The following SOCS7 variants were observed in gnomAD, a reference collection of about 807,000 sequenced individuals.
SOCS7 encodes NAP-4.
SOCS7 carries 18 observed loss-of-function variants against 58.9 expected under a neutral mutation model. The ratio of observed to expected loss-of-function variants is 0.31; its 90% CI spans 0.21 to 0.45. The LOEUF is 0.45. SOCS7 is among the 20% of genes least tolerant of loss of function. The probability of loss-of-function intolerance (pLI) is 1.00; values close to 1 mark genes in which losing one functional copy is unlikely to be tolerated. For synonymous variants in SOCS7, 388 were observed against 364.3 expected (o/e 1.06, Z -0.74); for missense variants, 667 against 837.3 (o/e 0.80, Z 2.51).
In SOCS7 at chr17:38,352,404, G is replaced by T; in HGVS notation, c.352G>T (p.Ala118Ser). Reference sequence around the variant, plus strand: ...GCTCGAGCGGACCTGGGGCCCGGCGGCTGGACTAGAGGCGCAGTTGGCGGC... The same window carrying T: ...GCTCGAGCGGACCTGGGGCCCGGCGTCTGGACTAGAGGCGCAGTTGGCGGC... The part of the protein sequence containing the change: ...LALERTWGPA[A>S]GLEAQLAALG... The change falls in exon 1 of 10, where the codon GCT becomes TCT. Residue 118 changes from alanine to serine, a missense_variant. By Grantham distance (99) the Ala-to-Ser change is moderately conservative. Around this residue, in one of 9 missense-constraint regions of SOCS7, gnomAD observed 154 missense variants for 156.3 expected, o/e 0.98. Coordinates refer to ENST00000612932, the MANE Select transcript of SOCS7 (RefSeq NM_014598.4). The surrounding 1 kb of genome is among the most constrained non-coding windows in gnomAD (Gnocchi z 5.5). 2 of 1,439,462 alleles carry T rather than the reference G, an allele frequency of 1.4e-6. No individual in the cohort carries two copies. Among genetic ancestry groups the T allele is most frequent in the South Asian group, 3.0e-5 (2 of 67,386 alleles). 89.2% of individuals were successfully genotyped at this position (1,439,462 alleles called of 1,614,324 possible). A position where few individuals can be genotyped will look rare whatever the true frequency, so the allele number is the denominator to read the frequency against.
intron 7 of SOCS7, among the ~76,000 whole-genome samples, chr17:38,389,905 A>ATATATATATATG (rs2038145326): frequency 4.7e-5 from 5 of 107,082 alleles, no homozygotes; most frequent in South Asian, 2.8e-4. Context: ...ATATACACAT[A>ATATATATATATG]TAGAGAGAGA....
chr17:38,382,725 G>A (rs2038019564), intron 7 of SOCS7, among the ~76,000 whole-genome samples: 2 of 152,074 alleles, frequency 1.3e-5, no homozygotes, highest in Admixed American at 1.3e-4. Context: ...TTGACCTCAT[G>A]GTCCACCTGC....
intron 6 of SOCS7, 64 bp downstream of exon 6, chr17:38,368,114 T>G: frequency 7.0e-7 from 1 of 1,430,494 alleles, no homozygotes; most frequent in South Asian, 1.4e-5. Context: ...GCTGTCTGAC[T>G]TTTTTGTGGA....
chr17:38,365,534 C>A, intron 4 of SOCS7, 125 bp downstream of exon 4: 1 of 603,618 alleles, frequency 1.7e-6, no homozygotes, highest in South Asian at 3.3e-5. Context: ...AAATCTTTTC[C>A]CCTTGGCTGG....
intron 7 of SOCS7, among the ~76,000 whole-genome samples, chr17:38,384,780 G>T (rs552528848): frequency 6.6e-6 from 1 of 151,412 alleles, no homozygotes; most frequent in Non-Finnish European, 1.5e-5. Context: ...TTTAGTAGAG[G>T]CAGGGTTTTA....
At chr17:38,371,754 G>GTTTTTTT (rs770296566) in intron 6 of SOCS7, among the ~76,000 whole-genome samples, 47 of 72,194 alleles carry the variant, frequency 6.5e-4, no homozygotes, top group African/African-American at 2.4e-3. Flanking sequence ...GCCCTTTTGT[G>GTTTTTTT]TTTTTTTTTT....
chr17:38,387,568 A>ATATATACACAATATATTGTATATAT (rs1403747086), intron 7 of SOCS7, among the ~76,000 whole-genome samples: 4 of 138,936 alleles, frequency 2.9e-5, no homozygotes, highest in Non-Finnish European at 4.5e-5. Flanking sequence ...AATACATAAT[A>ATATATACACAATATATTGTATATAT]TATATACACA....
At chr17:38,378,236 G>A (rs1293042085) in intron 7 of SOCS7, among the ~76,000 whole-genome samples, 2 of 152,146 alleles carry the variant, frequency 1.3e-5, no homozygotes, top group Non-Finnish European at 2.9e-5. Context: ...GCAGGGGCGA[G>A]CGTCAGTGGG....
chr17:38,387,127 A>ATGTGTG (rs1207391790), intron 7 of SOCS7, among the ~76,000 whole-genome samples: 3 of 93,550 alleles, frequency 3.2e-5, no homozygotes, highest in African/African-American at 1.1e-4. Context: ...ATATATATAT[A>ATGTGTG]TGTATGTATA....
At position 38,395,861 on chromosome 17, in the gene SOCS7, T is replaced by C; in HGVS notation, c.1831T>C (p.Tyr611His). 2 of 1,610,738 alleles carry C rather than the reference T, an allele frequency of 1.2e-6. No individual in the cohort carries two copies. The highest frequency in any genetic ancestry group is 1.7e-6 in the Non-Finnish European group (2 of 1,179,180). ...DLPLPKPLIS[Y>H]IRKFYYYDPQ... Reference sequence around the variant, plus strand: ...TGTTTTTCACAGACCTCTGATCTCTTATATCCGAAAGTTCTACTACTATGA... The same window carrying C: ...TGTTTTTCACAGACCTCTGATCTCTCATATCCGAAAGTTCTACTACTATGA... Residue 611 changes from tyrosine to histidine, a missense_variant, in exon 9 of 10, where the codon TAT (tyrosine) becomes CAT (histidine). Physicochemically the swap from Tyr to His is moderately conservative, Grantham distance 83. Transcript: ENST00000612932.
At chr17:38,385,409 C>T (rs540350480) in intron 7 of SOCS7, among the ~76,000 whole-genome samples, 11 of 150,496 alleles carry the variant, frequency 7.3e-5, no homozygotes, top group Admixed American at 3.3e-4. Context: ...GGGGGAGCAG[C>T]GTGACAGCAT....
chr17:38,403,747 G>A lies in SOCS7; in HGVS notation c.*4265G>A, dbSNP rs2038353734. 6.6e-6 allele frequency: 1 copy of A among 152,164 alleles called. No individual in the cohort carries two copies. The highest frequency in any genetic ancestry group is 2.1e-4 in the South Asian group (1 of 4,830). The allele number at this position is 152,164 out of a possible 1,614,324, so 9.4% of individuals were successfully genotyped here. On this transcript the variant is annotated 3_prime_UTR_variant, in exon 10 of 10. Coordinates refer to ENST00000612932, the MANE Select transcript of SOCS7 (RefSeq NM_014598.4). The stretch of plus-strand genomic sequence containing the variant: ...GACACACCCCCTGTCATGTAAGGGA[G>A]GAGCTATTGAGTTAGACATTTTCCC...
chr17:38,385,481 C>T (rs1480991527), intron 7 of SOCS7, among the ~76,000 whole-genome samples: 2 of 149,104 alleles, frequency 1.3e-5, no homozygotes, highest in South Asian at 4.2e-4. Context: ...CCACAAAAAT[C>T]ATATGCATGG....
At chr17:38,364,252 C>G (rs2037757659) in intron 2 of SOCS7, among the ~76,000 whole-genome samples, 1 of 152,198 alleles carries the variant, frequency 6.6e-6, no homozygotes, top group African/African-American at 2.4e-5. Flanking sequence ...AAGATATGGA[C>G]TGCCCTCTAG....
rs2038307861 is a variant in SOCS7, at chr17:38,400,738, A to G, written c.*1256A>G. The G allele has an allele frequency of 6.6e-6, 1 of 152,190 alleles. No individual in the cohort carries two copies. The highest frequency in any genetic ancestry group is 1.5e-5 in the Non-Finnish European group (1 of 68,040). 9.4% of individuals were successfully genotyped at this position (152,190 alleles called of 1,614,324 possible). ...TCCTGCTGGTCTCCACTCACTGGAA[A>G]GTCTGCCAGATGCCGATTTGAGAGC... On this transcript the variant is annotated 3_prime_UTR_variant, in exon 10 of 10. Coordinates refer to ENST00000612932, the MANE Select transcript of SOCS7 (RefSeq NM_014598.4).
At chr17:38,379,744 G>T (rs1432230513) in intron 7 of SOCS7, among the ~76,000 whole-genome samples, 3 of 152,294 alleles carry the variant, frequency 2.0e-5, no homozygotes, top group South Asian at 4.1e-4. Context: ...TGTCAACACA[G>T]TTGGGTCTTG....
intron 1 of SOCS7, 24 bp downstream of exon 1, chr17:38,353,056 G>T: frequency 6.5e-7 from 1 of 1,530,118 alleles, no homozygotes; most frequent in Non-Finnish European, 8.7e-7. Flanking sequence ...GGGGCTGGCC[G>T]ACAAACTTCC....
chr17:38,383,962 G>T (rs1224688051), intron 7 of SOCS7, among the ~76,000 whole-genome samples: 1 of 152,144 alleles, frequency 6.6e-6, no homozygotes, highest in African/African-American at 2.4e-5. Flanking sequence ...CTTTCCTGGG[G>T]ATTTGTGACC....
chr17:38,368,383 G>C (rs2037819496), intron 6 of SOCS7, among the ~76,000 whole-genome samples: 1 of 152,108 alleles, frequency 6.6e-6, no homozygotes, highest in South Asian at 2.1e-4. Context: ...AGGACCATTA[G>C]GCAAATTCTC....
Sources: gnomAD v4.1 joint callset for allele counts (sites outside exome capture counted in the v4.1 genomes callset) on GRCh38, gnomAD v4.1.1 for gene constraint, gnomAD v4.1.1 regional missense constraint, Gnocchi (gnomAD v3.1) non-coding constraint, MANE v1.5 for transcripts, NCBI Gene and HGNC (gene_info 2026-07-23, HGNC 2026-07-21) for gene names.